Variants in HMGN3 observed in about 807,000 individuals in gnomAD.
HMGN3 encodes the protein high mobility group nucleosome-binding domain-containing protein 3.
HMGN3 carries 6 observed loss-of-function variants against 18.8 expected under a neutral mutation model. The ratio of observed to expected loss-of-function variants is 0.32; its 90% CI spans 0.18 to 0.63. The LOEUF is 0.63. HMGN3 is among the 30% of genes least tolerant of loss of function. HMGN3 has a pLI of 0.79. For synonymous variants in HMGN3, 40 were observed against 36.5 expected (o/e 1.10, Z -0.35); for missense variants, 107 against 114.2 (o/e 0.94, Z 0.29).
intron 1 of HMGN3, among the ~76,000 whole-genome samples, chr6:79,226,255 T>TGCA (rs751686548): frequency 6.6e-6 from 1 of 152,230 alleles, no homozygotes; most frequent in Non-Finnish European, 1.5e-5. Context: ...TCACAGGCTC[T>TGCA]GCAGCCAGAC....
chr6:79,202,464 G>C, intron 4 of HMGN3, 75 bp from the exon 5 acceptor site: 1 of 1,196,364 alleles, frequency 8.4e-7, no homozygotes, highest in Non-Finnish European at 1.2e-6. Flanking sequence ...ATCAGCCTCT[G>C]TCCAAACACA....
At chr6:79,211,034 T>A (rs113794130) in intron 2 of HMGN3, among the ~76,000 whole-genome samples, 1,293 of 67,504 alleles carry the variant, frequency 0.019, 16 homozygotes, top group South Asian at 0.053. Flanking sequence ...AAAAAAAAAA[T>A]GCCTAAGCTG....
chr6:79,219,554 AAAC>A (rs1231582021), intron 1 of HMGN3, among the ~76,000 whole-genome samples: 1 of 152,192 alleles, frequency 6.6e-6, no homozygotes, highest in African/African-American at 2.4e-5. Flanking sequence ...CACTAATCGT[AAAC>A]AACATTACCT....
intron 2 of HMGN3, among the ~76,000 whole-genome samples, chr6:79,211,643 T>C (rs143721769): frequency 1.4e-4 from 22 of 152,230 alleles, no homozygotes; most frequent in African/African-American, 4.6e-4. Flanking sequence ...TGAAAAGTCA[T>C]CATTGATAAA....
chr6:79,225,750 A>G (rs927249418), intron 1 of HMGN3, among the ~76,000 whole-genome samples: 2 of 152,220 alleles, frequency 1.3e-5, no homozygotes, highest in Non-Finnish European at 2.9e-5. Context: ...AGGAAACTGC[A>G]TATGTGTATC....
chr6:79,210,533 A>G (rs938626157), intron 2 of HMGN3, among the ~76,000 whole-genome samples: 5 of 152,066 alleles, frequency 3.3e-5, no homozygotes, highest in Admixed American at 2.0e-4. Context: ...ACCTTCTCTT[A>G]TATTTCTATG....
At chr6:79,227,572 C>G (rs1777623593) in intron 1 of HMGN3, among the ~76,000 whole-genome samples, 1 of 152,160 alleles carries the variant, frequency 6.6e-6, no homozygotes, top group African/African-American at 2.4e-5. Context: ...GGGCTAAGTT[C>G]TTTGAATTCA....
chr6:79,210,348 C>G (rs976305617), intron 2 of HMGN3, among the ~76,000 whole-genome samples: 1 of 152,096 alleles, frequency 6.6e-6, no homozygotes, highest in African/African-American at 2.4e-5. Context: ...GTCTCATAAA[C>G]TACAGCAGGC....
chr6:79,218,842 A>G (rs1432913184), intron 1 of HMGN3, among the ~76,000 whole-genome samples: 2 of 152,248 alleles, frequency 1.3e-5, no homozygotes, highest in African/African-American at 4.8e-5. Flanking sequence ...TTTGAAGCTA[A>G]TAAAAGCAGG....
intron 1 of HMGN3, among the ~76,000 whole-genome samples, chr6:79,226,564 C>T (rs1434222431): frequency 6.6e-6 from 1 of 152,138 alleles, no homozygotes; most frequent in Non-Finnish European, 1.5e-5. Context: ...AATAATTTCA[C>T]ATTTTTATTT....
At chr6:79,217,994 T>C (rs1298903738) in intron 1 of HMGN3, among the ~76,000 whole-genome samples, 2 of 152,172 alleles carry the variant, frequency 1.3e-5, no homozygotes, top group Admixed American at 6.5e-5. Flanking sequence ...CTTACACTAA[T>C]CCAGTTTGAA....
chr6:79,208,394 G>A (rs921775172), intron 3 of HMGN3, among the ~76,000 whole-genome samples, 153 bp downstream of exon 3: 1 of 152,132 alleles, frequency 6.6e-6, no homozygotes, highest in Non-Finnish European at 1.5e-5. Context: ...GGCAACACTG[G>A]TCAAATTTGC....
At chr6:79,230,201 A>T (rs190260397) in intron 1 of HMGN3, among the ~76,000 whole-genome samples, 1 of 152,230 alleles carries the variant, frequency 6.6e-6, no homozygotes, top group Admixed American at 6.5e-5. Flanking sequence ...TACATATTGT[A>T]TCATTTCTTT....
In HMGN3 at chr6:79,206,059, T is replaced by A. The variant is rs190520935; in HGVS notation, c.97-2429A>T. Among the ~76,000 whole-genome samples the A allele has an allele frequency of 9.0e-4, 137 of 152,248 alleles. 2 individuals carry two copies. Among genetic ancestry groups the A allele is most frequent in the African/African-American group, 3.1e-3 (130 of 41,518 alleles). On this transcript the variant is annotated intron_variant, in intron 3 of 5. Transcript: ENST00000344726. Reference sequence around the variant, plus strand: ...GAAAAAATTTCAAAGCAGAAAAGCATTCAAGAGGTGACTTGGGTGCTGTTA... The same window carrying A: ...GAAAAAATTTCAAAGCAGAAAAGCAATCAAGAGGTGACTTGGGTGCTGTTA...
chr6:79,204,125 T>C (rs1776286826), intron 3 of HMGN3, among the ~76,000 whole-genome samples: 2 of 152,330 alleles, frequency 1.3e-5, no homozygotes, highest in South Asian at 2.1e-4. Context: ...ACTTCTAATG[T>C]AGATTTCGAG....
intron 1 of HMGN3, among the ~76,000 whole-genome samples, chr6:79,221,247 A>G (rs1330312230): frequency 1.3e-5 from 2 of 152,218 alleles, no homozygotes; most frequent in Non-Finnish European, 2.9e-5. Context: ...GACATGTAAT[A>G]TAACTGCTTC....
chr6:79,221,913 G>A (rs1777308464), intron 1 of HMGN3, among the ~76,000 whole-genome samples: 1 of 152,098 alleles, frequency 6.6e-6, no homozygotes, highest in Non-Finnish European at 1.5e-5. Flanking sequence ...ATTGGTACAT[G>A]TATTGGTACA....
At chr6:79,227,522 C>A (rs1305186378) in intron 1 of HMGN3, among the ~76,000 whole-genome samples, 1 of 152,176 alleles carries the variant, frequency 6.6e-6, no homozygotes, top group Non-Finnish European at 1.5e-5. Context: ...CTCATAATCA[C>A]AACAAACATC....
chr6:79,226,658 TAATTC>T (rs1777581937), intron 1 of HMGN3, among the ~76,000 whole-genome samples: 1 of 152,236 alleles, frequency 6.6e-6, no homozygotes, highest in Non-Finnish European at 1.5e-5. Flanking sequence ...ATTTTGATAT[TAATTC>T]AATTTTAATA....
Sources: allele counts gnomAD v4.1 joint callset (sites outside exome capture counted in the v4.1 genomes callset), GRCh38; gene constraint gnomAD v4.1.1; transcripts MANE v1.5; gene names NCBI Gene and HGNC (gene_info 2026-07-23, HGNC 2026-07-21).